The following PAFAH1B1 variants were observed in gnomAD, a reference collection of about 807,000 sequenced individuals.
PAFAH1B1 encodes platelet-activating factor acetylhydrolase IB subunit beta.
A neutral mutation model predicts 57.5 loss-of-function variants in PAFAH1B1; 2 were observed. That is an observed-to-expected ratio of 0.03 (90% CI 0.01 to 0.11). PAFAH1B1 has a LOEUF of 0.11. PAFAH1B1 is among the 10% of genes least tolerant of loss of function. The pLI, the probability that PAFAH1B1 is intolerant of heterozygous loss-of-function variation, is 1.00. For synonymous variants in PAFAH1B1, 152 were observed against 169.6 expected (o/e 0.90, Z 0.81); for missense variants, 257 against 512.0 (o/e 0.50, Z 4.81).
chr17:2,645,914 A>G (rs915119419), intron 2 of PAFAH1B1, among the ~76,000 whole-genome samples: 1 of 151,994 alleles, frequency 6.6e-6, no homozygotes, highest in Non-Finnish European at 1.5e-5. Flanking sequence ...AAATATATAT[A>G]TATTTCTAAA....
At chr17:2,625,007 ATTAT>A (rs1487866677) in intron 1 of PAFAH1B1, among the ~76,000 whole-genome samples, 1 of 151,088 alleles carries the variant, frequency 6.6e-6, no homozygotes, top group African/African-American at 2.4e-5. Context: ...TTAACATATA[ATTAT>A]TTATACTTTC....
At chr17:2,677,602 C>T (rs908190048) in intron 9 of PAFAH1B1, among the ~76,000 whole-genome samples, 2 of 151,784 alleles carry the variant, frequency 1.3e-5, no homozygotes, top group Middle Eastern at 3.4e-3. Context: ...CGCCTGTAAT[C>T]CCCGCACTTT....
rs1443372695 is a variant in PAFAH1B1, at chr17:2,683,387, T to G, written c.*1585T>G. 2.6e-5 allele frequency: 4 copies of G among 152,250 alleles called. No individual in the cohort carries two copies. The highest frequency in any genetic ancestry group is 5.9e-5 in the Non-Finnish European group (4 of 68,046). The allele number at this position is 152,250 out of a possible 1,614,324, so 9.4% of individuals were successfully genotyped here. ...TGACAGTTTAACAAAGATAAAATTC[T>G]GAACTGCGTTTTATTCATTTGTGTA... is the stretch of plus-strand genomic sequence containing the variant. On this transcript the variant is annotated 3_prime_UTR_variant, in exon 11 of 11. Coordinates refer to ENST00000397195, the MANE Select transcript of PAFAH1B1 (RefSeq NM_000430.4).
intron 8 of PAFAH1B1, among the ~76,000 whole-genome samples, chr17:2,674,796 GT>G (rs1597575847): frequency 6.6e-6 from 1 of 152,168 alleles, no homozygotes; most frequent in East Asian, 1.9e-4. Flanking sequence ...TGAGCCTGGA[GT>G]TTTAACGCAT....
At position 2,650,138 on chromosome 17, in the gene PAFAH1B1, G is replaced by A. The variant is rs910594270; in HGVS notation, c.32+11818G>A. ...TGTGGCTTAGGCCTGGAATCCCTGC[G>A]CTTTGGGAGGCCAAGGAGTTTGAGA... On this transcript the variant is annotated intron_variant, in intron 2 of 10. Coordinates refer to ENST00000397195, the MANE Select transcript of PAFAH1B1 (RefSeq NM_000430.4). Among the ~76,000 whole-genome samples, 35 of 152,186 alleles carry A rather than the reference G, an allele frequency of 2.3e-4. 1 individual carries two copies. The highest frequency in any genetic ancestry group is 1.2e-4 in the African/African-American group (5 of 41,452).
At chr17:2,613,033 A>C (rs1261364836) in intron 1 of PAFAH1B1, among the ~76,000 whole-genome samples, 5 of 131,396 alleles carry the variant, frequency 3.8e-5, no homozygotes, top group Non-Finnish European at 8.0e-5. Context: ...TTGATAAATT[A>C]ATAATTTGTA....
At chr17:2,670,526 C>CT (rs1031884722) in intron 6 of PAFAH1B1, among the ~76,000 whole-genome samples, 195 bp downstream of exon 6, 2 of 151,954 alleles carry the variant, frequency 1.3e-5, no homozygotes, top group African/African-American at 4.8e-5. Context: ...TTTTAAGTAT[C>CT]TTTTAGTACT....
At chr17:2,601,622 A>G (rs2068144833) in intron 1 of PAFAH1B1, among the ~76,000 whole-genome samples, 1 of 152,110 alleles carries the variant, frequency 6.6e-6, no homozygotes, top group Non-Finnish European at 1.5e-5. Flanking sequence ...TTCTATTTTT[A>G]GGAGAGATGG....
chr17:2,637,068 C>T (rs1175940898), intron 1 of PAFAH1B1, among the ~76,000 whole-genome samples: 1 of 152,140 alleles, frequency 6.6e-6, no homozygotes, highest in Non-Finnish European at 1.5e-5. Context: ...ACTGTATTCT[C>T]AGTGCCTGGA....
rs1439866164 is a variant in PAFAH1B1, at chr17:2,593,770, C to T, written c.-427C>T. 1.0e-5 allele frequency: 4 copies of T among 390,194 alleles called. No individual in the cohort carries two copies. Among genetic ancestry groups the T allele is most frequent in the African/African-American group, 2.1e-5 (1 of 48,126 alleles). The allele number at this position is 390,194 out of a possible 1,614,324, so 24.2% of individuals were successfully genotyped here. A position where few individuals can be genotyped will look rare whatever the true frequency, so the allele number is the denominator to read the frequency against. ...AGCGAGAAGGAGAAGGAGGGGAGCG[C>T]TCGGGCGCGAGCGAGAGAAACCGCG... On this transcript the variant is annotated 5_prime_UTR_variant, in exon 1 of 11. Coordinates refer to ENST00000397195, the MANE Select transcript of PAFAH1B1 (RefSeq NM_000430.4).
intron 5 of PAFAH1B1, among the ~76,000 whole-genome samples, chr17:2,668,218 T>G (rs2069134610): frequency 6.6e-6 from 1 of 151,660 alleles, no homozygotes; most frequent in Admixed American, 6.6e-5. Flanking sequence ...CCCAGCTACT[T>G]GGAAGGCTGA....
intron 2 of PAFAH1B1, 76 bp from the exon 3 acceptor site, chr17:2,665,296 G>A: frequency 4.8e-6 from 4 of 839,944 alleles, no homozygotes; most frequent in Non-Finnish European, 6.1e-6. Context: ...GGGTTAATGA[G>A]ATTTTAAATA....
chr17:2,612,159 T>G (rs2068274525), intron 1 of PAFAH1B1, among the ~76,000 whole-genome samples: 1 of 152,078 alleles, frequency 6.6e-6, no homozygotes, highest in Non-Finnish European at 1.5e-5. Context: ...TAATTGATAT[T>G]TTGTTAAAGC....
intron 2 of PAFAH1B1, among the ~76,000 whole-genome samples, chr17:2,659,904 A>AT (rs1313511899): frequency 2.6e-5 from 4 of 152,206 alleles, no homozygotes; most frequent in Non-Finnish European, 4.4e-5. Flanking sequence ...AGCTTAGGGA[A>AT]TGATCCCCTG....
intron 2 of PAFAH1B1, chr17:2,638,537 C>A (rs571772401): frequency 2.0e-6 from 1 of 501,870 alleles, no homozygotes; most frequent in East Asian, 3.4e-5. Context: ...AGGAGTTTTT[C>A]GCTTTTGTCA....
intron 1 of PAFAH1B1, among the ~76,000 whole-genome samples, chr17:2,608,872 G>A (rs1198832785): frequency 6.6e-6 from 1 of 152,144 alleles, no homozygotes; most frequent in Non-Finnish European, 1.5e-5. Context: ...TAAAGAGAAT[G>A]GATAATATTA....
intron 1 of PAFAH1B1, among the ~76,000 whole-genome samples, chr17:2,604,733 C>A (rs2068186610): frequency 1.3e-5 from 2 of 151,982 alleles, no homozygotes; most frequent in Admixed American, 1.3e-4. Context: ...ATCACTTGAC[C>A]CAGGAGGAGT....
At position 2,621,605 on chromosome 17, in the gene PAFAH1B1, G is replaced by GTTTTTTTTTTTTTTTTTTTTTTTTTTTTT. The variant is rs2068421993; in HGVS notation, c.-190-16493_-190-16492insTTTTTTTTTTTTTTTTTTTTTTTTTTTTT. ...GCTATTCAAGCATGGTAGATAATCT[G>GTTTTTTTTTTTTTTTTTTTTTTTTTTTTT]TCTTTTTTTTTTTTTTTTTTTTTTT... On this transcript the variant is annotated intron_variant, in intron 1 of 10. Coordinates refer to ENST00000397195, the MANE Select transcript of PAFAH1B1 (RefSeq NM_000430.4). 2.1e-5 allele frequency among the ~76,000 whole-genome samples: 2 copies of GTTTTTTTTTTTTTTTTTTTTTTTTTTTTT among 93,206 alleles called. 1 individual carries two copies. Among genetic ancestry groups the GTTTTTTTTTTTTTTTTTTTTTTTTTTTTT allele is most frequent in the African/African-American group, 9.4e-5 (2 of 21,296 alleles). 61.1% of individuals were successfully genotyped at this position (93,206 alleles called of 152,430 possible).
chr17:2,603,133 A>G (rs2068164654), intron 1 of PAFAH1B1, among the ~76,000 whole-genome samples: 1 of 152,180 alleles, frequency 6.6e-6, no homozygotes, highest in African/African-American at 2.4e-5. Flanking sequence ...ATCTCAGAAC[A>G]GAGTGCAGTG....
Sources: allele counts gnomAD v4.1 joint callset (sites outside exome capture counted in the v4.1 genomes callset), GRCh38; gene constraint gnomAD v4.1.1; transcripts MANE v1.5; gene names NCBI Gene and HGNC (gene_info 2026-07-23, HGNC 2026-07-21).